MGA: variants seen among roughly 807,000 people sequenced by gnomAD.
MGA encodes MAX gene-associated protein.
A neutral mutation model predicts 261.1 loss-of-function variants in MGA; 40 were observed. The ratio of observed to expected loss-of-function variants is 0.15; its 90% CI spans 0.12 to 0.20. MGA has a LOEUF of 0.20. Ranked by LOEUF, MGA falls within the 10% of genes least tolerant of loss-of-function variation. MGA has a pLI of 1.00. For missense variants in MGA, 3,397 were observed against 3,630.5 expected (o/e 0.94, Z 1.65); for synonymous variants, 1,302 against 1,290.6 (o/e 1.01, Z -0.19).
At chr15:41,710,535 G>C (rs923384877) in intron 7 of MGA, among the ~76,000 whole-genome samples, 156 bp from the exon 8 acceptor site, 1 of 152,110 alleles carries the variant, frequency 6.6e-6, no homozygotes, top group Non-Finnish European at 1.5e-5. Context: ...TCAAAGTACT[G>C]GGATTACAGG....
intron 15 of MGA, among the ~76,000 whole-genome samples, chr15:41,744,792 T>G (rs995284480): frequency 6.6e-6 from 1 of 152,248 alleles, no homozygotes; most frequent in Admixed American, 6.5e-5. Flanking sequence ...CATTCACATA[T>G]TTTGCTGAGT....
chr15:41,756,176 C>G lies in MGA; in HGVS notation c.7139+1609C>G, dbSNP rs192389237. Among the ~76,000 whole-genome samples, 41 of 152,152 alleles carry G rather than the reference C, an allele frequency of 2.7e-4. No individual in the cohort carries two copies. In the East Asian group the frequency reaches 7.5e-3, roughly 28 times the overall value. On this transcript the variant is annotated intron_variant, in intron 18 of 23. Transcript: ENST00000219905. ...AGAAAGTGTTTGCCATACGTATTAA[C>G]TAACAAAGGATTAGTGTCAAGGGTA...
In MGA at chr15:41,668,791, G is replaced by A. The variant is rs2057903326; in HGVS notation, c.-67-37G>A. 5 of 798,534 alleles carry A rather than the reference G, an allele frequency of 6.3e-6. No homozygotes were observed. The South Asian group carries it at 8.0e-5, about 13-fold the overall frequency. 49.5% of individuals were successfully genotyped at this position (798,534 alleles called of 1,614,324 possible). A position where few individuals can be genotyped will look rare whatever the true frequency, so the allele number is the denominator to read the frequency against. Reference sequence around the variant, plus strand: ...ATAAATACTCACTTGATTAAAGGGTGTTTTTTGTTTTTGGTTTTTTTTTGC... The same window carrying A: ...ATAAATACTCACTTGATTAAAGGGTATTTTTTGTTTTTGGTTTTTTTTTGC... On this transcript the variant is annotated intron_variant, in intron 1 of 23. Transcript: ENST00000219905.
intron 1 of MGA, among the ~76,000 whole-genome samples, chr15:41,654,305 T>C (rs1301740390): frequency 6.6e-6 from 1 of 152,224 alleles, no homozygotes; most frequent in East Asian, 1.9e-4. Context: ...TTTTCATCTA[T>C]CTAAGTGTAT....
At chr15:41,727,132 C>A (rs1311411133) in intron 9 of MGA, 48 bp from the exon 10 acceptor site, 2 of 1,492,780 alleles carry the variant, frequency 1.3e-6, no homozygotes, top group Admixed American at 2.1e-5. Flanking sequence ...CAGTATTGAT[C>A]TTTTGTTGCC....
chr15:41,675,403 G>C (rs1034515789), intron 2 of MGA, among the ~76,000 whole-genome samples: 2 of 150,430 alleles, frequency 1.3e-5, no homozygotes, highest in Admixed American at 6.6e-5. Flanking sequence ...TCAGGATCTT[G>C]CTGTTTGTTT....
chr15:41,733,718 C>T (rs964483960), intron 11 of MGA, among the ~76,000 whole-genome samples: 3 of 152,170 alleles, frequency 2.0e-5, no homozygotes, highest in Non-Finnish European at 4.4e-5. Context: ...TTTACTCAAA[C>T]ATACGCATAT....
chr15:41,736,573 C>T lies in MGA; in HGVS notation c.4309C>T (p.Leu1437=), dbSNP rs376607397. 2 of 1,613,894 alleles carry T rather than the reference C, an allele frequency of 1.2e-6. No individual in the cohort carries two copies. The highest frequency in any genetic ancestry group is 2.7e-5 in the African/African-American group (2 of 74,908). The change falls in exon 13 of 24, where the codon CTG becomes TTG. Residue 1437 remains leucine (L), a synonymous_variant. Coordinates refer to ENST00000219905, the MANE Select transcript of MGA (RefSeq NM_001164273.2). The stretch of plus-strand genomic sequence containing the variant: ...TATCTCTCCTGTGCAGACAGATGCC[C>T]TGGATTCAGTGAGGGAGAGATTACA...
intron 2 of MGA, among the ~76,000 whole-genome samples, chr15:41,692,856 T>C (rs1595743496): frequency 6.6e-6 from 1 of 152,216 alleles, no homozygotes; most frequent in African/African-American, 2.4e-5. Context: ...GGATTACAGG[T>C]GTGTGCCACT....
intron 9 of MGA, among the ~76,000 whole-genome samples, chr15:41,716,383 G>A (rs1464047357): frequency 6.6e-6 from 1 of 152,074 alleles, no homozygotes; most frequent in African/African-American, 2.4e-5. Flanking sequence ...GAACCCGGGA[G>A]GCAGAGCTTG....
chr15:41,711,437 G>T, intron 8 of MGA, 88 bp downstream of exon 8: 1 of 1,348,152 alleles, frequency 7.4e-7, no homozygotes, highest in Non-Finnish European at 1.0e-6. Context: ...GTACTTTTTG[G>T]CAGGGTGATC....
rs1020923370 is a variant in MGA, at chr15:41,702,141, G to A, written c.2188+2982G>A. Among the ~76,000 whole-genome samples the A allele has an allele frequency of 1.3e-4, 20 of 151,964 alleles. No homozygotes were observed. In the East Asian group the frequency reaches 1.9e-3, roughly 15 times the overall value. On this transcript the variant is annotated intron_variant, in intron 5 of 23. Transcript: ENST00000219905. ...TCGAGACTAGCCTGGCCAACGTGGC[G>A]AAACTCCGTCTCTACTAAAAATACA...
At chr15:41,728,498 T>C (rs1408704976) in intron 10 of MGA, among the ~76,000 whole-genome samples, 1 of 152,350 alleles carries the variant, frequency 6.6e-6, no homozygotes, top group Non-Finnish European at 1.5e-5. Context: ...ATTTTTGTTA[T>C]ATGTAGTATA....
At chr15:41,630,697 C>CTAT (rs1263616108) in intron 1 of MGA, among the ~76,000 whole-genome samples, 1 of 152,144 alleles carries the variant, frequency 6.6e-6, no homozygotes, top group Non-Finnish European at 1.5e-5. Flanking sequence ...TGGAGGCAGG[C>CTAT]TATTATAATA....
At chr15:41,760,055 A>G in intron 19 of MGA, 1 of 405,986 alleles carries the variant, frequency 2.5e-6, no homozygotes, top group Non-Finnish European at 4.5e-6. Context: ...TGTAACATAT[A>G]CAATTTCTTC....
chr15:41,677,615 G>A (rs1333320794), intron 2 of MGA, among the ~76,000 whole-genome samples: 2 of 152,124 alleles, frequency 1.3e-5, no homozygotes, highest in South Asian at 2.1e-4. Flanking sequence ...GCACTTAACT[G>A]TTTTTAATAA....
At chr15:41,738,124 G>A (rs2061887145) in intron 13 of MGA, among the ~76,000 whole-genome samples, 1 of 151,970 alleles carries the variant, frequency 6.6e-6, no homozygotes, top group Non-Finnish European at 1.5e-5. Context: ...ATATAGGCTG[G>A]GCATGGTGGC....
upstream of MGA, among the ~76,000 whole-genome samples, chr15:41,656,355 T>A (rs1217179356): frequency 9.0e-6 from 1 of 110,658 alleles, no homozygotes; most frequent in Non-Finnish European, 2.2e-5. Flanking sequence ...TCTCTCTCTC[T>A]CTCTCTCTCT....
chr15:41,632,783 GAA>G (rs57577596), intron 1 of MGA, among the ~76,000 whole-genome samples: 31 of 146,826 alleles, frequency 2.1e-4, no homozygotes, highest in East Asian at 2.0e-4. Flanking sequence ...AGGAGATAGG[GAA>G]AAAAAAAAAA....
Sources: gnomAD v4.1 joint callset for allele counts (sites outside exome capture counted in the v4.1 genomes callset) on GRCh38, gnomAD v4.1.1 for gene constraint, MANE v1.5 for transcripts, NCBI Gene and HGNC (gene_info 2026-07-23, HGNC 2026-07-21) for gene names.